The following METTL3 variants were observed in gnomAD, a reference collection of about 807,000 sequenced individuals.
METTL3 encodes the protein N(6)-adenosine-methyltransferase catalytic subunit METTL3.
Under a neutral mutation model 64.3 loss-of-function variants are expected in METTL3, and 42 were observed. The ratio of observed to expected loss-of-function variants is 0.65; its 90% CI spans 0.51 to 0.84. The LOEUF (loss-of-function observed/expected upper bound fraction) is 0.84, where lower values mean the gene tolerates loss of function less well. Among genes scored for constraint, METTL3 ranks in the 40% least tolerant of loss-of-function variants. The probability of loss-of-function intolerance (pLI) is 0.00; values close to 1 mark genes in which losing one functional copy is unlikely to be tolerated. For missense variants in METTL3, 435 were observed against 722.3 expected (o/e 0.60, Z 4.56); for synonymous variants, 256 against 263.6 (o/e 0.97, Z 0.28).
chr14:21,500,843 T>G (rs1272547751), intron 5 of METTL3, 70 bp downstream of exon 5: 2 of 1,493,924 alleles, frequency 1.3e-6, no homozygotes, highest in African/African-American at 2.8e-5. Context: ...CTCTGCTTTC[T>G]TAACGTGTAT....
chr14:21,503,491 G>A lies in METTL3; in HGVS notation c.405C>T (p.Leu135=), dbSNP rs751578016. 8.1e-6 allele frequency: 13 copies of A among 1,612,322 alleles called. No homozygotes were observed. In the East Asian group the frequency reaches 2.7e-4, roughly 33 times the overall value. The part of the protein sequence containing the change: ...AQELIEVKRG[L]LQDDAHPTLV... ...GAGTAGGATGTGCATCATCTTGTAG[G>A]AGACCTCGCTTTACCTCAATCAACT... Residue 135 remains leucine, a synonymous_variant, in exon 3 of 11, where the codon CTC becomes CTT. Transcript: ENST00000298717.
At chr14:21,500,073 A>G (rs1167058708) in intron 6 of METTL3, among the ~76,000 whole-genome samples, 1 of 152,196 alleles carries the variant, frequency 6.6e-6, no homozygotes, top group Non-Finnish European at 1.5e-5. Flanking sequence ...GTAGAAAAAA[A>G]GACTGGCTGG....
Position 21,501,717 on chromosome 14 carries a change from T to C in METTL3, c.899+11A>G, listed in dbSNP as rs771828491. The C allele has an allele frequency of 1.1e-5, 17 of 1,614,062 alleles. No homozygotes were observed. The highest frequency in any genetic ancestry group is 1.4e-5 in the Non-Finnish European group (17 of 1,179,918). ...GACAAACCCATCCCACCTCATTCCC[T>C]TCCAAGAGACCTGAAGTGCAGCTTG... On this transcript the variant is annotated intron_variant, in intron 4 of 10. Transcript: ENST00000298717.
chr14:21,500,397 T>C (rs1288509702), intron 6 of METTL3, 98 bp downstream of exon 6: 1 of 1,220,800 alleles, frequency 8.2e-7, no homozygotes, highest in Non-Finnish European at 1.2e-6. Flanking sequence ...CAGTCATACA[T>C]TTAATAGTGG....
intron 1 of METTL3, chr14:21,504,129 T>C (rs955639112): frequency 2.1e-6 from 1 of 479,368 alleles, no homozygotes; most frequent in South Asian, 2.3e-5. Context: ...TAATTCCCTA[T>C]CCTTGCTGTG....
chr14:21,503,239 T>C lies in METTL3; in HGVS notation c.657A>G (p.Ser219=). Residue 219 remains serine, a synonymous_variant, in exon 3 of 11, where the codon TCA becomes TCG. Coordinates refer to ENST00000298717, the MANE Select transcript of METTL3 (RefSeq NM_019852.5). ...PAKKSRKHAA[S]DVDLEIESLL... Reference sequence around the variant, plus strand: ...GGCTCTCTATCTCCAGATCAACATCTGAGGCAGCATGTTTCCTTGATTTCT... The same window carrying C: ...GGCTCTCTATCTCCAGATCAACATCCGAGGCAGCATGTTTCCTTGATTTCT... 1.2e-6 allele frequency: 2 copies of C among 1,614,230 alleles called. No homozygotes were observed. Among genetic ancestry groups the C allele is most frequent in the Non-Finnish European group, 1.7e-6 (2 of 1,180,038 alleles).
chr14:21,509,806 G>A (rs920473293), intron 1 of METTL3, among the ~76,000 whole-genome samples: 2 of 152,054 alleles, frequency 1.3e-5, no homozygotes, highest in African/African-American at 4.8e-5. Context: ...ACAAAAAATT[G>A]TATCTATAAA....
intron 10 of METTL3, 174 bp downstream of exon 10, chr14:21,498,851 T>C: frequency 1.7e-6 from 1 of 589,082 alleles, no homozygotes; most frequent in Non-Finnish European, 3.0e-6. Flanking sequence ...GTTGAGTTTC[T>C]AATGAATATT....
intron 6 of METTL3, 74 bp from the exon 7 acceptor site, chr14:21,499,876 A>G: frequency 7.5e-7 from 1 of 1,324,908 alleles, no homozygotes; most frequent in Non-Finnish European, 1.1e-6. Flanking sequence ...GATGTGTTAA[A>G]AACACTATAA....
Position 21,499,592 on chromosome 14 carries a change from C to T in METTL3, c.1352G>A (p.Arg451Gln), listed in dbSNP as rs779995154. The T allele has an allele frequency of 1.2e-6, 2 of 1,613,700 alleles. No individual in the cohort carries two copies. The highest frequency in any genetic ancestry group is 1.7e-6 in the Non-Finnish European group (2 of 1,179,640). ...CTTCACCCAAATAATTTCATCTACCCGTTCATACCTGTGGGGCATAAAAAA... is the reference window on the plus strand; with the variant it reads ...CTTCACCCAAATAATTTCATCTACCTGTTCATACCTGTGGGGCATAAAAAA... ...RECLNLWGYE[R>Q]VDEIIWVKTN... The change falls in exon 8 of 11, where the codon CGG (arginine) becomes CAG (glutamine). Residue 451 changes from arginine (R) to glutamine (Q), a missense_variant. This residue lies in a region of METTL3 where 36 missense variants were observed against 73.0 expected (regional missense o/e 0.49). Transcript: ENST00000298717.
chr14:21,503,729 G>A lies in METTL3; in HGVS notation c.253C>T (p.His85Tyr), dbSNP rs752748887. Residue 85 changes from histidine to tyrosine, a missense_variant, in exon 2 of 11, where the codon CAC (histidine) becomes TAC (tyrosine). Transcript: ENST00000298717. The stretch of plus-strand genomic sequence containing the variant: ...AATGTTAAGGCCAGATCAGAGAGGT[G>A]GTGTAGCAACTTCTTCTCTAACTCA... The part of the protein sequence containing the change: ...DPELEKKLLH[H>Y]LSDLALTLPT... 6.2e-7 allele frequency: 1 copy of A among 1,614,228 alleles called. No individual in the cohort carries two copies. Among genetic ancestry groups the A allele is most frequent in the Non-Finnish European group, 8.5e-7 (1 of 1,180,046 alleles).
At position 21,500,652 on chromosome 14, in the gene METTL3, C is replaced by G. The variant is rs531203537; in HGVS notation, c.1147G>C (p.Val383Leu). The change falls in exon 6 of 11, where the codon GTC (valine) becomes CTC (leucine). Residue 383 changes from valine (V) to leucine (L), a missense_variant. This residue lies in a region of METTL3 where 67 missense variants were observed against 71.5 expected (regional missense o/e 0.94). Transcript: ENST00000298717. Reference protein sequence around the residue: ...WICCDIRYLDVSILGKFAVVM... With the variant: ...WICCDIRYLDLSILGKFAVVM... ...ACTGCAAACTTGCCCAAGATACTGA[C>G]GTCCAGGTAGCGGATATCACAACAG... 1 of 1,614,066 alleles carries G rather than the reference C, an allele frequency of 6.2e-7. No homozygotes were observed. The highest frequency in any genetic ancestry group is 8.5e-7 in the Non-Finnish European group (1 of 1,179,968).
At chr14:21,502,910 G>T in intron 3 of METTL3, 1 of 377,952 alleles carries the variant, frequency 2.6e-6, no homozygotes. Context: ...ACTGTTTGTT[G>T]TGGGGGTTTG....
chr14:21,510,535 A>C (rs1237985938), intron 1 of METTL3: 2 of 152,254 alleles, frequency 1.3e-5, no homozygotes, highest in African/African-American at 4.8e-5. Flanking sequence ...CGGGGGCAAC[A>C]GGAGAAGAGA....
intron 7 of METTL3, 63 bp from the exon 8 acceptor site, chr14:21,499,663 T>C (rs961194038): frequency 1.3e-5 from 21 of 1,580,800 alleles, no homozygotes; most frequent in Middle Eastern, 3.3e-4. Context: ...GGTAGTACCA[T>C]TTATAGAAGC....
At chr14:21,510,886 G>A in intron 1 of METTL3, 1 of 501,526 alleles carries the variant, frequency 2.0e-6, no homozygotes. Context: ...CGAGGGTGGG[G>A]CTCAAGCGTC....
At chr14:21,498,982 A>T in intron 10 of METTL3, 43 bp downstream of exon 10, 1 of 1,354,376 alleles carries the variant, frequency 7.4e-7, no homozygotes, top group Non-Finnish European at 1.1e-6. Context: ...TTAATCATAA[A>T]TAATAGCCCC....
chr14:21,503,987 G>A, intron 1 of METTL3, 106 bp from the exon 2 acceptor site: 3 of 1,062,020 alleles, frequency 2.8e-6, no homozygotes, highest in South Asian at 3.2e-5. Context: ...CTTTCATTTT[G>A]TGCAGGAAAT....
chr14:21,498,239 G>C lies in METTL3; in HGVS notation c.*19C>G. 1.4e-6 allele frequency: 2 copies of C among 1,396,986 alleles called. No homozygotes were observed. Among genetic ancestry groups the C allele is most frequent in the Non-Finnish European group, 2.0e-6 (2 of 982,132 alleles). The allele number at this position is 1,396,986 out of a possible 1,614,324, so 86.5% of individuals were successfully genotyped here. A position where few individuals can be genotyped will look rare whatever the true frequency, so the allele number is the denominator to read the frequency against. On this transcript the variant is annotated 3_prime_UTR_variant, in exon 11 of 11. Transcript: ENST00000298717. ...ACAGAGCCATGGCTATGGATTCTTAGCTCTGTAAGGAAGTGCTTCTATAAA... is the reference window on the plus strand; with the variant it reads ...ACAGAGCCATGGCTATGGATTCTTACCTCTGTAAGGAAGTGCTTCTATAAA...
Sources: gnomAD v4.1 joint callset for allele counts (sites outside exome capture counted in the v4.1 genomes callset) on GRCh38, gnomAD v4.1.1 for gene constraint, gnomAD v4.1.1 regional missense constraint, MANE v1.5 for transcripts, NCBI Gene and HGNC (gene_info 2026-07-23, HGNC 2026-07-21) for gene names.